Variants in SOX6 observed in about 807,000 individuals in gnomAD.
The protein encoded by SOX6 is SRY-box transcription factor 6, also known as transcription factor SOX-6.
A neutral mutation model predicts 97.8 loss-of-function variants in SOX6; 11 were observed. The ratio of observed to expected loss-of-function variants is 0.11; its 90% CI spans 0.07 to 0.19. The LOEUF (loss-of-function observed/expected upper bound fraction) is 0.19. SOX6 is among the 10% of genes least tolerant of loss of function. SOX6 has a pLI of 1.00. For missense variants in SOX6, 810 were observed against 1,039.5 expected (o/e 0.78, Z 3.04); for synonymous variants, 360 against 371.4 (o/e 0.97, Z 0.35).
chr11:16,251,341 A>G (rs1477244380), intron 3 of SOX6, among the ~76,000 whole-genome samples: 1 of 152,114 alleles, frequency 6.6e-6, no homozygotes, highest in Non-Finnish European at 1.5e-5. Context: ...GTTCTTTGAA[A>G]AGATTAATGA....
intron 9 of SOX6, among the ~76,000 whole-genome samples, chr11:16,068,379 G>A (rs746284972): frequency 7.2e-5 from 11 of 152,074 alleles, no homozygotes; most frequent in South Asian, 4.1e-4. Context: ...TGTCCATAAC[G>A]AGTCATTACA....
intron 3 of SOX6, among the ~76,000 whole-genome samples, chr11:16,297,624 A>G (rs1855135731): frequency 6.6e-6 from 1 of 152,176 alleles, no homozygotes. Flanking sequence ...CACATTACCC[A>G]TTCAAACAGA....
intron 4 of SOX6, among the ~76,000 whole-genome samples, chr11:16,595,617 A>G (rs1276292735): frequency 6.6e-6 from 1 of 151,614 alleles, no homozygotes; most frequent in East Asian, 1.9e-4. Flanking sequence ...AAAAAAAAAA[A>G]AAAAAAAATT....
chr11:16,408,524 G>C (rs896940454), intron 1 of SOX6, among the ~76,000 whole-genome samples: 2 of 152,086 alleles, frequency 1.3e-5, no homozygotes, highest in African/African-American at 4.8e-5. Context: ...CATACAATTA[G>C]AAGAACAGAC....
At chr11:16,519,326 A>C (rs995592541) in intron 4 of SOX6, among the ~76,000 whole-genome samples, 2 of 151,942 alleles carry the variant, frequency 1.3e-5, no homozygotes, top group Non-Finnish European at 2.9e-5. Context: ...CCAATGGGTA[A>C]TTTTTCAACC....
chr11:16,503,125 A>C (rs1463724136), intron 4 of SOX6, among the ~76,000 whole-genome samples: 1 of 152,194 alleles, frequency 6.6e-6, no homozygotes, highest in African/African-American at 2.4e-5. Flanking sequence ...TATCCTTCAT[A>C]AATGAAAGAG....
intron 1 of SOX6, among the ~76,000 whole-genome samples, chr11:16,429,083 G>A (rs1046266441): frequency 2.0e-5 from 3 of 152,074 alleles, no homozygotes; most frequent in Admixed American, 6.6e-5. Flanking sequence ...AAAGTTCAAC[G>A]TCACTGATCT....
chr11:16,468,772 C>T (rs774464879), intron 1 of SOX6, among the ~76,000 whole-genome samples: 1 of 152,160 alleles, frequency 6.6e-6, no homozygotes, highest in Admixed American at 6.5e-5. Flanking sequence ...TTGAAATTAG[C>T]GAAGATGAAA....
intron 6 of SOX6, among the ~76,000 whole-genome samples, chr11:16,161,381 T>C (rs2134070239): frequency 6.7e-6 from 1 of 149,010 alleles, no homozygotes; most frequent in South Asian, 2.1e-4. Context: ...GTCATATATA[T>C]AGTCTTGTAT....
At chr11:16,395,248 A>T (rs1858316543) in intron 1 of SOX6, among the ~76,000 whole-genome samples, 1 of 151,910 alleles carries the variant, frequency 6.6e-6, no homozygotes, top group African/African-American at 2.4e-5. Flanking sequence ...AAGGACAGAC[A>T]CTAAACAAAA....
intron 3 of SOX6, among the ~76,000 whole-genome samples, chr11:16,283,019 GTA>G (rs10581082): frequency 1.1e-3 from 150 of 133,152 alleles, no homozygotes; most frequent in African/African-American, 3.9e-3. Flanking sequence ...TGAGATGTGA[GTA>G]TATATATATA....
intron 4 of SOX6, among the ~76,000 whole-genome samples, chr11:16,585,467 T>C (rs545689053): frequency 2.1e-4 from 32 of 152,258 alleles, no homozygotes; most frequent in Middle Eastern, 6.8e-3. Context: ...TTCATACTGT[T>C]AGAAAGTGGT....
intron 4 of SOX6, among the ~76,000 whole-genome samples, chr11:16,600,079 A>C (rs952055856): frequency 6.6e-6 from 1 of 152,242 alleles, no homozygotes; most frequent in South Asian, 2.1e-4. Context: ...CAAAATTATA[A>C]GTGTATTTCA....
At chr11:16,106,887 TCAA>T (rs1269190067) in intron 7 of SOX6, among the ~76,000 whole-genome samples, 6 of 151,744 alleles carry the variant, frequency 4.0e-5, no homozygotes, top group Admixed American at 6.6e-5. Context: ...TAACTGAAAC[TCAA>T]CAACAACAAA....
At chr11:16,095,026 T>C (rs1034841010) in intron 9 of SOX6, among the ~76,000 whole-genome samples, 7 of 151,874 alleles carry the variant, frequency 4.6e-5, no homozygotes, top group Non-Finnish European at 8.8e-5. Flanking sequence ...GTTTGAGCTA[T>C]ACAGACCAGC....
chr11:16,595,747 G>C (rs572464765), intron 4 of SOX6, among the ~76,000 whole-genome samples: 2 of 152,148 alleles, frequency 1.3e-5, no homozygotes, highest in East Asian at 3.9e-4. Flanking sequence ...CTCCAGCATG[G>C]ACAACAGAGC....
intron 4 of SOX6, among the ~76,000 whole-genome samples, chr11:16,533,946 T>C (rs1861273021): frequency 6.6e-6 from 1 of 152,136 alleles, no homozygotes; most frequent in Admixed American, 6.5e-5. Flanking sequence ...CATGTTTTTG[T>C]CTTGTGTGCA....
chr11:16,179,359 C>T (rs994218115), intron 6 of SOX6, among the ~76,000 whole-genome samples: 12 of 151,820 alleles, frequency 7.9e-5, no homozygotes, highest in Non-Finnish European at 1.8e-4. Context: ...ATATAAATAG[C>T]ACACAGGAAT....
chr11:16,061,764 G>A (rs1847963052), intron 9 of SOX6, among the ~76,000 whole-genome samples: 1 of 151,620 alleles, frequency 6.6e-6, no homozygotes, highest in Non-Finnish European at 1.5e-5. Context: ...GCTGATCTTT[G>A]ACAAAATTGA....
Sources: allele counts gnomAD v4.1 joint callset (sites outside exome capture counted in the v4.1 genomes callset), GRCh38; gene constraint gnomAD v4.1.1; transcripts MANE v1.5; gene names NCBI Gene and HGNC (gene_info 2026-07-23, HGNC 2026-07-21).